TMEM26: variants seen among roughly 807,000 people sequenced by gnomAD.
TMEM26 encodes transmembrane protein 26.
Under a neutral mutation model 28.8 loss-of-function variants are expected in TMEM26, and 38 were observed. The ratio of observed to expected loss-of-function variants is 1.32; its 90% CI spans 1.02 to 1.73. TMEM26 has a LOEUF of 1.73. TMEM26 is among the 40% of genes most tolerant of loss of function. TMEM26 has a pLI of 0.00. For synonymous variants in TMEM26, 227 were observed against 182.9 expected (o/e 1.24, Z -1.95); for missense variants, 518 against 447.1 (o/e 1.16, Z -1.43).
rs770018619 is a variant in TMEM26 at position 61,410,658 on chromosome 10, G to A, written c.771C>T (p.Ile257=). 17 of 1,614,010 alleles carry A rather than the reference G, an allele frequency of 1.1e-5. No individual in the cohort carries two copies. Among genetic ancestry groups the A allele is most frequent in the East Asian group, 4.5e-5 (2 of 44,882 alleles). ...CATCTTGTATGAAGACGCTGATTCC[G>A]ATGTTCCACAGATCGGCACTGTACT... ...FCQYSADLWN[I]GISVFIQDGP... The change falls in exon 6 of 6, where the codon ATC becomes ATT. Residue 257 remains isoleucine (I), a synonymous_variant. Transcript: ENST00000399298.
chr10:61,446,050 C>T (rs570494065), intron 1 of TMEM26, among the ~76,000 whole-genome samples: 1 of 152,262 alleles, frequency 6.6e-6, no homozygotes, highest in South Asian at 2.1e-4. Context: ...TTCTAAATGT[C>T]TCAGTTGAAC....
chr10:61,412,147 A>G (rs958925327), intron 5 of TMEM26, among the ~76,000 whole-genome samples: 2 of 152,330 alleles, frequency 1.3e-5, no homozygotes, highest in African/African-American at 4.8e-5. Context: ...TTCTAAAGGT[A>G]TTAATTCAGT....
At chr10:61,430,941 T>C (rs1357801780) in intron 3 of TMEM26, among the ~76,000 whole-genome samples, 2 of 152,076 alleles carry the variant, frequency 1.3e-5, no homozygotes, top group Non-Finnish European at 2.9e-5. Context: ...TAAATGTATA[T>C]GTCTCTCAAT....
intron 1 of TMEM26, among the ~76,000 whole-genome samples, chr10:61,440,206 C>A (rs1840069628): frequency 6.6e-6 from 1 of 152,038 alleles, no homozygotes; most frequent in African/African-American, 2.4e-5. Flanking sequence ...TATCACCGCA[C>A]TCCAACCTGG....
intron 1 of TMEM26, among the ~76,000 whole-genome samples, chr10:61,448,855 A>C (rs1016612167): frequency 4.6e-5 from 7 of 152,218 alleles, no homozygotes; most frequent in African/African-American, 9.6e-5. Context: ...TACTTTTGCC[A>C]GTAAGTTCAA....
At chr10:61,435,414 C>G (rs1036691270) in intron 2 of TMEM26, among the ~76,000 whole-genome samples, 2 of 152,148 alleles carry the variant, frequency 1.3e-5, no homozygotes, top group Non-Finnish European at 2.9e-5. Context: ...CTCTTGACCT[C>G]GTGATCCACC....
At chr10:61,421,108 G>A (rs1181505236) in intron 4 of TMEM26, among the ~76,000 whole-genome samples, 1 of 152,004 alleles carries the variant, frequency 6.6e-6, no homozygotes, top group Admixed American at 6.6e-5. Context: ...ATATTGTTAG[G>A]CTTTATCAGA....
chr10:61,425,058 G>A (rs969030033), intron 4 of TMEM26, among the ~76,000 whole-genome samples: 1 of 152,170 alleles, frequency 6.6e-6, no homozygotes, highest in African/African-American at 2.4e-5. Context: ...AGAGTTTAAT[G>A]GACTTACAGT....
chr10:61,433,059 TAAA>T (rs1331505287), intron 2 of TMEM26, among the ~76,000 whole-genome samples: 1 of 152,198 alleles, frequency 6.6e-6, no homozygotes. Context: ...GACTATGTAT[TAAA>T]AATGGCGACC....
intron 4 of TMEM26, among the ~76,000 whole-genome samples, chr10:61,426,645 T>G (rs1839837910): frequency 6.6e-6 from 1 of 152,108 alleles, no homozygotes; most frequent in African/African-American, 2.4e-5. Flanking sequence ...CAGCCTAAAC[T>G]ATGGAATAAA....
intron 4 of TMEM26, among the ~76,000 whole-genome samples, chr10:61,428,210 G>C (rs1435110075): frequency 6.6e-6 from 1 of 152,016 alleles, no homozygotes; most frequent in East Asian, 1.9e-4. Flanking sequence ...AACAACCCAA[G>C]CTTAAAGTAT....
chr10:61,446,689 C>T (rs1564484548), intron 1 of TMEM26, among the ~76,000 whole-genome samples: 1 of 151,394 alleles, frequency 6.6e-6, no homozygotes. Context: ...CGTGGTGGCA[C>T]GCACCTGTAG....
Position 61,450,516 on chromosome 10 carries a change from G to C in TMEM26, c.191+2375C>G, listed in dbSNP as rs531439895. 2.0e-5 allele frequency among the ~76,000 whole-genome samples: 3 copies of C among 152,138 alleles called. No homozygotes were observed. The East Asian group carries it at 5.8e-4, about 29-fold the overall frequency. ...TGTGGGCTTTTTCCACCACAAAAAT[G>C]AGCATATGTCTATATTCAGTTGTAT... On this transcript the variant is annotated intron_variant, in intron 1 of 5. Transcript: ENST00000399298.
intron 1 of TMEM26, among the ~76,000 whole-genome samples, chr10:61,440,711 A>G (rs902346169): frequency 1.3e-5 from 2 of 152,110 alleles, no homozygotes; most frequent in African/African-American, 4.8e-5. Flanking sequence ...TAGATTTTCA[A>G]TATTTATAAT....
chr10:61,411,282 AG>A (rs1282502939), intron 5 of TMEM26, among the ~76,000 whole-genome samples: 2 of 152,166 alleles, frequency 1.3e-5, no homozygotes, highest in Non-Finnish European at 2.9e-5. Flanking sequence ...CAGTGAGGAG[AG>A]GGGTCCCTAT....
intron 4 of TMEM26, among the ~76,000 whole-genome samples, chr10:61,416,561 T>C (rs547053008): frequency 2.6e-5 from 4 of 152,182 alleles, no homozygotes; most frequent in Admixed American, 2.0e-4. Flanking sequence ...CAAGCTATTA[T>C]GGTAGATCAC....
chr10:61,423,879 AG>A (rs1179269988), intron 4 of TMEM26, among the ~76,000 whole-genome samples: 5 of 152,344 alleles, frequency 3.3e-5, no homozygotes, highest in Admixed American at 3.3e-4. Flanking sequence ...CAATAAAAGC[AG>A]GAAAAGGATT....
chr10:61,408,803 C>A lies in TMEM26; in HGVS notation c.*1519G>T, dbSNP rs537370185. ...GCACAAGGAAGAAAGAAATAAAAAA[C>A]ATATAACAATGGCACTGAAGAAGCC... On this transcript the variant is annotated 3_prime_UTR_variant, in exon 6 of 6. Transcript: ENST00000399298. The A allele has an allele frequency of 1.3e-5, 2 of 152,120 alleles. No individual in the cohort carries two copies. Among genetic ancestry groups the A allele is most frequent in the Non-Finnish European group, 2.9e-5 (2 of 68,008 alleles). The allele number at this position is 152,120 out of a possible 1,614,324, so 9.4% of individuals were successfully genotyped here.
intron 1 of TMEM26, among the ~76,000 whole-genome samples, chr10:61,442,937 T>C (rs1046210489): frequency 2.0e-5 from 3 of 152,198 alleles, no homozygotes; most frequent in African/African-American, 7.2e-5. Context: ...CCCAATGTTT[T>C]TGTGGAACAC....
Sources: gnomAD v4.1 joint callset for allele counts (sites outside exome capture counted in the v4.1 genomes callset) on GRCh38, gnomAD v4.1.1 for gene constraint, MANE v1.5 for transcripts, NCBI Gene and HGNC (gene_info 2026-07-23, HGNC 2026-07-21) for gene names.